Variants in LRGUK observed in about 807,000 individuals in gnomAD.
LRGUK encodes the protein leucine-rich repeat and guanylate kinase domain-containing protein.
In LRGUK, 65 loss-of-function variants were observed where a neutral mutation model predicts 76.0. That is an observed-to-expected ratio of 0.85 (90% CI 0.70 to 1.05). The LOEUF (loss-of-function observed/expected upper bound fraction) is 1.05. Among genes scored for constraint, LRGUK ranks in the 50% least tolerant of loss-of-function variants. The probability of loss-of-function intolerance (pLI) is 0.00; values close to 1 mark genes in which losing one functional copy is unlikely to be tolerated. For synonymous variants in LRGUK, 268 were observed against 265.6 expected (o/e 1.01, Z -0.09); for missense variants, 758 against 732.8 (o/e 1.03, Z -0.40).
intron 10 of LRGUK, among the ~76,000 whole-genome samples, chr7:134,179,074 G>A (rs544455784): frequency 7.9e-5 from 12 of 151,996 alleles, no homozygotes; most frequent in African/African-American, 2.9e-4. Context: ...CCTTGCCAAA[G>A]ACTGTTCCAT....
At chr7:134,268,955 T>C (rs1302044280), downstream of LRGUK, among the ~76,000 whole-genome samples, 1 of 151,810 alleles carries the variant, frequency 6.6e-6, no homozygotes, top group Non-Finnish European at 1.5e-5. Flanking sequence ...ATAGTCTCCA[T>C]CTCTTGACTT....
chr7:134,267,375 T>C (rs1466329021), downstream of LRGUK, among the ~76,000 whole-genome samples: 4 of 152,094 alleles, frequency 2.6e-5, no homozygotes, highest in Non-Finnish European at 5.9e-5. Flanking sequence ...TGGGTACACA[T>C]GGACATAAAG....
At chr7:134,233,770 G>C (rs904919659) in intron 16 of LRGUK, among the ~76,000 whole-genome samples, 8 of 152,116 alleles carry the variant, frequency 5.3e-5, no homozygotes, top group African/African-American at 1.9e-4. Flanking sequence ...CTGTCACCCA[G>C]GGATCAACGT....
rs189195429 is a variant in LRGUK, at chr7:134,179,180, G to A, written c.1214+571G>A. Among the ~76,000 whole-genome samples the A allele has an allele frequency of 8.5e-5, 13 of 152,306 alleles. No homozygotes were observed. The East Asian group carries it at 1.4e-3, about 16-fold the overall frequency. ...GCACTAAGCTGCGATAAACTCAGCAGGGAGGAGTCGCCCAGCTCGGTGGAA... is the reference window on the plus strand; with the variant it reads ...GCACTAAGCTGCGATAAACTCAGCAAGGAGGAGTCGCCCAGCTCGGTGGAA... On this transcript the variant is annotated intron_variant, in intron 10 of 15. Coordinates refer to ENST00000645682, the Ensembl canonical transcript of LRGUK.
intron 19 of LRGUK, among the ~76,000 whole-genome samples, chr7:134,261,187 T>G (rs1010441831): frequency 6.6e-6 from 1 of 152,174 alleles, no homozygotes; most frequent in Non-Finnish European, 1.5e-5. Context: ...TGTAGTGGTT[T>G]TCTTAGCAAC....
At chr7:134,163,667 G>A (rs542347609) in intron 7 of LRGUK, 127 bp downstream of exon 7, 40 of 790,004 alleles carry the variant, frequency 5.1e-5, no homozygotes, top group Non-Finnish European at 6.4e-5. Context: ...TAGAAATATT[G>A]TTCTAGCAAA....
chr7:134,259,837 C>T (rs374072870), intron 19 of LRGUK, among the ~76,000 whole-genome samples: 7 of 152,252 alleles, frequency 4.6e-5, no homozygotes, highest in Admixed American at 4.6e-4. Flanking sequence ...CCGAGGGAAC[C>T]GGGAGTTCTA....
chr7:134,213,369 TG>T (rs1302070620), downstream of LRGUK, among the ~76,000 whole-genome samples: 6 of 152,106 alleles, frequency 3.9e-5, no homozygotes, highest in East Asian at 1.2e-3. Flanking sequence ...AATAAGGCTG[TG>T]GGGGCAGGAA....
chr7:134,141,355 CCT>C (rs1797756881), intron 3 of LRGUK, among the ~76,000 whole-genome samples: 1 of 152,066 alleles, frequency 6.6e-6, no homozygotes, highest in Non-Finnish European at 1.5e-5. Flanking sequence ...TGGGGCGGGG[CCT>C]GGAAATTTGC....
downstream of LRGUK, among the ~76,000 whole-genome samples, chr7:134,210,726 C>T (rs923988664): frequency 6.6e-6 from 1 of 152,206 alleles, no homozygotes; most frequent in Admixed American, 6.5e-5. Context: ...GAGCCCCCAA[C>T]CCAGCAGCCT....
At chr7:134,139,607 A>G in intron 3 of LRGUK, 90 bp downstream of exon 3, 1 of 769,420 alleles carries the variant, frequency 1.3e-6, no homozygotes, top group Admixed American at 2.8e-5. Context: ...GCCAGACTTG[A>G]TATCACTAAT....
chr7:134,264,248 A>AT (rs908409876), exon 20 of LRGUK: 1,331 of 286,324 alleles, frequency 4.6e-3, no homozygotes, highest in Middle Eastern at 6.9e-3. Context: ...ATGTCATTTC[A>AT]TTTTTTTTTC....
At chr7:134,264,012 TG>T (rs755011999) in exon 20 of LRGUK, 150 of 1,575,282 alleles carry the variant, frequency 9.5e-5, no homozygotes, top group Non-Finnish European at 1.2e-4. Flanking sequence ...ATGGAAAACC[TG>T]CTCTGCTGAT....
chr7:134,244,909 G>A (rs1802255101), intron 16 of LRGUK, among the ~76,000 whole-genome samples: 1 of 152,092 alleles, frequency 6.6e-6, no homozygotes, highest in African/African-American at 2.4e-5. Context: ...GTAGGGACAT[G>A]GATGAAGCTA....
intron 7 of LRGUK, among the ~76,000 whole-genome samples, chr7:134,165,459 G>T (rs546327423): frequency 2.6e-5 from 4 of 152,228 alleles, no homozygotes; most frequent in Admixed American, 2.6e-4. Context: ...CTGTTGTAAT[G>T]CCCCAATACA....
Position 134,205,195 on chromosome 7 carries a change from G to A in LRGUK, c.1844-3512G>A, listed in dbSNP as rs562375350. ...CTTTTTTCAATCCTCCCTGAGATTGGCTACTTTTAGAATCCTGCTGATTGG... is the reference window on the plus strand; with the variant it reads ...CTTTTTTCAATCCTCCCTGAGATTGACTACTTTTAGAATCCTGCTGATTGG... On this transcript the variant is annotated intron_variant, in intron 15 of 15. Coordinates refer to ENST00000645682, the Ensembl canonical transcript of LRGUK. Among the ~76,000 whole-genome samples, 4 of 152,272 alleles carry A rather than the reference G, an allele frequency of 2.6e-5. No individual in the cohort carries two copies. The South Asian group carries it at 6.2e-4, about 24-fold the overall frequency.
At chr7:134,202,526 G>C (rs540259992) in intron 15 of LRGUK, among the ~76,000 whole-genome samples, 3 of 152,148 alleles carry the variant, frequency 2.0e-5, no homozygotes, top group African/African-American at 7.2e-5. Context: ...ATCTCAAAAA[G>C]AGAGCTGCAC....
At chr7:134,175,799 A>T (rs1264672380) in intron 8 of LRGUK, among the ~76,000 whole-genome samples, 1 of 152,046 alleles carries the variant, frequency 6.6e-6, no homozygotes, top group Non-Finnish European at 1.5e-5. Context: ...TACTACAAAA[A>T]CTCTAATTAT....
chr7:134,238,916 A>G (rs891421399), intron 16 of LRGUK, among the ~76,000 whole-genome samples: 1 of 151,908 alleles, frequency 6.6e-6, no homozygotes, highest in Non-Finnish European at 1.5e-5. Flanking sequence ...CTCTGACCCC[A>G]CCCCTTTGGT....
Sources: gnomAD v4.1 joint callset for allele counts (sites outside exome capture counted in the v4.1 genomes callset) on GRCh38, gnomAD v4.1.1 for gene constraint, MANE v1.5 for transcripts, NCBI Gene and HGNC (gene_info 2026-07-23, HGNC 2026-07-21) for gene names.